Variants in FAT3 observed in about 807,000 individuals in gnomAD.
FAT3 encodes the protein FAT atypical cadherin 3, also known as protocadherin Fat 3.
In FAT3, 95 loss-of-function variants were observed where a neutral mutation model predicts 310.2. That is an observed-to-expected ratio of 0.31 (90% confidence interval 0.26 to 0.36). The LOEUF (loss-of-function observed/expected upper bound fraction) is 0.36, where lower values mean the gene tolerates loss of function less well. Among genes scored for constraint, FAT3 ranks in the 10% least tolerant of loss-of-function variants. FAT3 has a pLI of 1.00. For synonymous variants in FAT3, 2,314 were observed against 2,192.9 expected (o/e 1.06, Z -1.54); for missense variants, 5,408 against 5,715.6 (o/e 0.95, Z 1.74).
At chr11:92,479,764 G>T (rs563207492) in intron 2 of FAT3, among the ~76,000 whole-genome samples, 68 of 152,214 alleles carry the variant, frequency 4.5e-4, no homozygotes, top group African/African-American at 1.5e-3. Flanking sequence ...TACAAAGCTG[G>T]CCTTTCATAG....
intron 23 of FAT3, among the ~76,000 whole-genome samples, chr11:92,881,344 G>T (rs1450408557): frequency 6.6e-6 from 1 of 152,052 alleles, no homozygotes; most frequent in Non-Finnish European, 1.5e-5. Flanking sequence ...TTAAATATTT[G>T]CCAAAAGGAA....
intron 2 of FAT3, among the ~76,000 whole-genome samples, chr11:92,474,774 C>T (rs1952004539): frequency 6.6e-6 from 1 of 151,958 alleles, no homozygotes; most frequent in Non-Finnish European, 1.5e-5. Flanking sequence ...TTAGGTAATG[C>T]CAGGGGTATA....
At chr11:92,812,736 C>T (rs186795020) in intron 13 of FAT3, among the ~76,000 whole-genome samples, 133 of 152,270 alleles carry the variant, frequency 8.7e-4, no homozygotes, top group Non-Finnish European at 1.7e-3. Flanking sequence ...GTACACAGGT[C>T]CCACATGGCA....
chr11:92,428,901 G>A (rs1490214351), intron 2 of FAT3, among the ~76,000 whole-genome samples: 2 of 152,078 alleles, frequency 1.3e-5, no homozygotes, highest in Admixed American at 6.6e-5. Flanking sequence ...AGGTCCACTC[G>A]GTCGAGAGCT....
In FAT3 at chr11:92,834,497, T is replaced by C. The variant is rs573904615; in HGVS notation, c.9872-373T>C. 4.1e-4 allele frequency among the ~76,000 whole-genome samples: 62 copies of C among 152,344 alleles called. No homozygotes were observed. The East Asian group carries it at 7.9e-3, about 19-fold the overall frequency. ...ATCACATCCCCAAATCTCAGCTCAT[T>C]CTTGGTCTTCCTCTGTCCACCTGAG... On this transcript the variant is annotated intron_variant, in intron 14 of 27. Transcript: ENST00000525166.
intron 4 of FAT3, among the ~76,000 whole-genome samples, chr11:92,723,345 G>A (rs1261935830): frequency 1.3e-5 from 2 of 152,084 alleles, no homozygotes; most frequent in African/African-American, 4.8e-5. Context: ...TTGCCAACAA[G>A]TTCCTCATCT....
intron 2 of FAT3, among the ~76,000 whole-genome samples, chr11:92,480,975 C>G: frequency 6.6e-6 from 1 of 152,154 alleles, no homozygotes; most frequent in East Asian, 1.9e-4. Flanking sequence ...TTTACTCATT[C>G]ATATAAATGA....
At position 92,551,836 on chromosome 11, in the gene FAT3, A is replaced by G. The variant is rs539169163; in HGVS notation, c.3607+26888A>G. ...AAACAAAAACAAAGAAAACTCCATC[A>G]AGTTAGAATAGAATGTGAGAAATTT... On this transcript the variant is annotated intron_variant, in intron 3 of 27. Transcript: ENST00000525166. Among the ~76,000 whole-genome samples, 3 of 152,318 alleles carry G rather than the reference A, an allele frequency of 2.0e-5. No homozygotes were observed. The East Asian group carries it at 5.8e-4, about 29-fold the overall frequency.
rs542303990 is a variant in FAT3, at chr11:92,736,208, T to A, written c.3670-25648T>A. Reference sequence around the variant, plus strand: ...CCAAACTGTTGTGCTGACCCAGACATTTTATATCTGGAGCTGCCATTTGAG... The same window carrying A: ...CCAAACTGTTGTGCTGACCCAGACAATTTATATCTGGAGCTGCCATTTGAG... On this transcript the variant is annotated intron_variant, in intron 4 of 27. Transcript: ENST00000525166. Among the ~76,000 whole-genome samples, 5 of 152,132 alleles carry A rather than the reference T, an allele frequency of 3.3e-5. No individual in the cohort carries two copies. In the East Asian group the frequency reaches 9.7e-4, roughly 29 times the overall value.
At chr11:92,724,973 A>G (rs1265854498) in intron 4 of FAT3, among the ~76,000 whole-genome samples, 2 of 152,190 alleles carry the variant, frequency 1.3e-5, no homozygotes, top group Non-Finnish European at 2.9e-5. Context: ...AACTTCTCTC[A>G]CAGCAATAAG....
intron 3 of FAT3, among the ~76,000 whole-genome samples, chr11:92,531,851 C>T (rs935769871): frequency 6.6e-6 from 1 of 151,816 alleles, no homozygotes; most frequent in African/African-American, 2.4e-5. Flanking sequence ...TCACATAATT[C>T]TTCGTCGTGG....
rs188572047 is a variant in FAT3 at position 92,617,001 on chromosome 11, T to G, written c.3608-80383T>G. On this transcript the variant is annotated intron_variant, in intron 3 of 27. Coordinates refer to ENST00000525166, the MANE Select transcript of FAT3 (RefSeq NM_001367949.2). ...AGTATCTTTGTGGCATTCTCTGTAT[T>G]TCCTGAATTTGAATGTTGGCCTGCC... Among the ~76,000 whole-genome samples the G allele has an allele frequency of 1.2e-4, 18 of 152,316 alleles. No homozygotes were observed. The East Asian group carries it at 3.5e-3, about 29-fold the overall frequency.
Position 92,354,762 on chromosome 11 carries a change from G to C in FAT3, c.2650G>C (p.Gly884Arg), listed in dbSNP as rs758863940. The change falls in exon 2 of 28, where the codon GGA becomes CGA. Residue 884 changes from glycine to arginine, a missense_variant. Physicochemically the swap from Gly to Arg is moderately radical, Grantham distance 125. Transcript: ENST00000525166. ...GCAGTTTGCCATCAATAGCTCAACT[G>C]GAATCGTTTATGTAGCCGACCAGTT... The part of the protein sequence containing the change: ...TQQFAINSST[G>R]IVYVADQLDR... 66 of 1,613,808 alleles carry C rather than the reference G, an allele frequency of 4.1e-5. No homozygotes were observed. The highest frequency in any genetic ancestry group is 5.1e-5 in the Non-Finnish European group (60 of 1,179,884).
chr11:92,282,266 A>T (rs1946445916), intron 1 of FAT3, among the ~76,000 whole-genome samples: 1 of 152,194 alleles, frequency 6.6e-6, no homozygotes, highest in South Asian at 2.1e-4. Flanking sequence ...AAATCACTTT[A>T]TCAGGACTTA....
At chr11:92,492,233 A>G (rs1008418156) in intron 2 of FAT3, among the ~76,000 whole-genome samples, 38 of 151,030 alleles carry the variant, frequency 2.5e-4, no homozygotes, top group Non-Finnish European at 4.9e-4. Flanking sequence ...CATCAACTAT[A>G]TATATATTTC....
chr11:92,565,552 C>A (rs1007372434), intron 3 of FAT3, among the ~76,000 whole-genome samples: 47 of 151,500 alleles, frequency 3.1e-4, no homozygotes, highest in African/African-American at 1.1e-3. Context: ...CCAGCATCAT[C>A]CTGATACCAA....
chr11:92,426,595 G>T (rs1203673776), intron 2 of FAT3, among the ~76,000 whole-genome samples: 1 of 152,052 alleles, frequency 6.6e-6, no homozygotes, highest in Non-Finnish European at 1.5e-5. Context: ...TCTACATATG[G>T]CTAGCCAGTT....
chr11:92,558,732 C>G (rs780367368), intron 3 of FAT3, among the ~76,000 whole-genome samples: 5 of 152,120 alleles, frequency 3.3e-5, no homozygotes, highest in Non-Finnish European at 7.4e-5. Context: ...TTCCAAATAG[C>G]TGCTTTGCAC....
intron 1 of FAT3, among the ~76,000 whole-genome samples, chr11:92,306,495 TTA>T (rs1395800772): frequency 1.5e-5 from 2 of 131,982 alleles, no homozygotes; most frequent in African/African-American, 2.9e-5. Flanking sequence ...TATATTTATA[TTA>T]TATATGTTAT....
Sources: allele counts gnomAD v4.1 joint callset (sites outside exome capture counted in the v4.1 genomes callset), GRCh38; gene constraint gnomAD v4.1.1; transcripts MANE v1.5; gene names NCBI Gene and HGNC (gene_info 2026-07-23, HGNC 2026-07-21).